Variants in SNX29 observed in about 807,000 individuals in gnomAD.
SNX29 encodes the protein sorting nexin-29.
A neutral mutation model predicts 102.1 loss-of-function variants in SNX29; 78 were observed. The observed-to-expected ratio is 0.76, with a 90% CI of 0.64 to 0.92. The LOEUF (loss-of-function observed/expected upper bound fraction) is 0.92. Among genes scored for constraint, SNX29 ranks in the 40% least tolerant of loss-of-function variants. The pLI, the probability that SNX29 is intolerant of heterozygous loss-of-function variation, is 0.00. For missense variants in SNX29, 1,280 were observed against 1,061.7 expected (o/e 1.21, Z -2.86); for synonymous variants, 580 against 414.5 (o/e 1.40, Z -4.85).
chr16:12,249,853 C>G (rs1466620860), intron 14 of SNX29, among the ~76,000 whole-genome samples: 1 of 152,234 alleles, frequency 6.6e-6, no homozygotes, highest in East Asian at 1.9e-4. Context: ...TCATGTATTC[C>G]TTTACTTACT....
intron 18 of SNX29, among the ~76,000 whole-genome samples, chr16:12,447,009 T>C (rs2086087196): frequency 6.7e-6 from 1 of 150,098 alleles, no homozygotes; most frequent in Non-Finnish European, 1.5e-5. Context: ...TACTATAATA[T>C]AAAAAAAATT....
At chr16:12,436,166 G>A (rs2151647900) in intron 18 of SNX29, among the ~76,000 whole-genome samples, 1 of 152,322 alleles carries the variant, frequency 6.6e-6, no homozygotes, top group East Asian at 1.9e-4. Context: ...TCCTGGCGAT[G>A]CCCGAGACCC....
At chr16:12,438,692 C>T (rs734022) in intron 18 of SNX29, among the ~76,000 whole-genome samples, 103,084 of 152,144 alleles carry the variant, frequency 0.68, 36,192 homozygotes, top group African/African-American at 0.87. Context: ...GAAGAAATGA[C>T]CATAATCATG....
intron 4 of SNX29, 67 bp downstream of exon 4, chr16:12,027,511 T>C (rs2057227526): frequency 1.3e-6 from 2 of 1,585,978 alleles, no homozygotes; most frequent in Non-Finnish European, 8.6e-7. Context: ...TTTTTATTTA[T>C]TTTTTAATAG....
chr16:12,547,044 G>A (rs2077649200), intron 20 of SNX29, among the ~76,000 whole-genome samples: 1 of 152,188 alleles, frequency 6.6e-6, no homozygotes, highest in Admixed American at 6.5e-5. Flanking sequence ...CTGTTTTCAT[G>A]GGGGACACAG....
At chr16:12,173,177 G>A (rs1820323740) in intron 13 of SNX29, among the ~76,000 whole-genome samples, 1 of 152,228 alleles carries the variant, frequency 6.6e-6, no homozygotes, top group Non-Finnish European at 1.5e-5. Context: ...CGGAGATAAA[G>A]CTGGTCTTAG....
chr16:12,437,435 G>A lies in SNX29; in HGVS notation c.2037+33906G>A, dbSNP rs113130187. Among the ~76,000 whole-genome samples, 62 of 152,364 alleles carry A rather than the reference G, an allele frequency of 4.1e-4. No individual in the cohort carries two copies. The East Asian group carries it at 5.0e-3, about 12-fold the overall frequency. ...GTGAGGCAATGGGTCAGGGGGTAGT[G>A]TGAGAGGAGGGTTGCCTGTGCCAGG... On this transcript the variant is annotated intron_variant, in intron 18 of 20. Transcript: ENST00000566228.
At chr16:12,483,693 A>G (rs980729895) in intron 19 of SNX29, among the ~76,000 whole-genome samples, 1 of 152,204 alleles carries the variant, frequency 6.6e-6, no homozygotes, top group African/African-American at 2.4e-5. Flanking sequence ...ACTTAAGCCA[A>G]CAAGGGTATA....
intron 8 of SNX29, chr16:12,060,730 T>C: frequency 2.2e-6 from 1 of 455,646 alleles, no homozygotes; most frequent in Non-Finnish European, 4.4e-6. Flanking sequence ...TTTATTAACA[T>C]TTCTTGATTG....
intron 16 of SNX29, among the ~76,000 whole-genome samples, chr16:12,385,961 G>T (rs1359008015): frequency 6.6e-6 from 1 of 152,214 alleles, no homozygotes; most frequent in African/African-American, 2.4e-5. Context: ...ACATCTCCTG[G>T]GAGCAGAAGA....
At chr16:12,215,387 A>G (rs937242750) in intron 14 of SNX29, among the ~76,000 whole-genome samples, 4 of 151,806 alleles carry the variant, frequency 2.6e-5, no homozygotes, top group African/African-American at 9.7e-5. Context: ...CATGCACTCT[A>G]TGTAAGTATT....
chr16:12,476,600 G>A (rs1015477968), intron 18 of SNX29, among the ~76,000 whole-genome samples: 3 of 150,618 alleles, frequency 2.0e-5, no homozygotes, highest in Non-Finnish European at 4.4e-5. Flanking sequence ...TGACATTATT[G>A]CTCCTTAAGG....
intron 14 of SNX29, among the ~76,000 whole-genome samples, chr16:12,239,882 G>A (rs2078049667): frequency 6.6e-6 from 1 of 152,000 alleles, no homozygotes; most frequent in South Asian, 2.1e-4. Context: ...AGTAGCACCA[G>A]GACAGAAAAA....
chr16:12,249,383 G>C (rs1410085926), intron 14 of SNX29, among the ~76,000 whole-genome samples: 1 of 152,198 alleles, frequency 6.6e-6, no homozygotes, highest in Admixed American at 6.5e-5. Context: ...TGAAAGACAA[G>C]CCCACGTGCA....
At chr16:12,251,659 T>A (rs1428398424) in intron 14 of SNX29, among the ~76,000 whole-genome samples, 1 of 152,140 alleles carries the variant, frequency 6.6e-6, no homozygotes, top group Non-Finnish European at 1.5e-5. Flanking sequence ...GCTGAGATCG[T>A]GCCATTGCAC....
intron 5 of SNX29, among the ~76,000 whole-genome samples, chr16:12,045,524 C>T (rs572178108): frequency 6.6e-6 from 1 of 151,974 alleles, no homozygotes; most frequent in Admixed American, 6.6e-5. Flanking sequence ...ACCCCAACTG[C>T]CATCTATATT....
At chr16:12,088,116 G>A (rs1238064758) in intron 11 of SNX29, 1 of 456,690 alleles carries the variant, frequency 2.2e-6, no homozygotes, top group South Asian at 1.5e-5. Flanking sequence ...GTGGGTGTCT[G>A]AGGCTGCAGG....
chr16:12,359,548 C>T (rs2082242540), intron 16 of SNX29, among the ~76,000 whole-genome samples: 1 of 152,280 alleles, frequency 6.6e-6, no homozygotes, highest in South Asian at 2.1e-4. Flanking sequence ...TACATATCTG[C>T]TCCTAGTCTT....
intron 14 of SNX29, among the ~76,000 whole-genome samples, chr16:12,223,425 G>C (rs1481592169): frequency 6.6e-6 from 1 of 152,200 alleles, no homozygotes; most frequent in Admixed American, 6.5e-5. Context: ...ACTTTGGGAG[G>C]CTGAGGAGGG....
Sources: gnomAD v4.1 joint callset for allele counts (sites outside exome capture counted in the v4.1 genomes callset) on GRCh38, gnomAD v4.1.1 for gene constraint, MANE v1.5 for transcripts, NCBI Gene and HGNC (gene_info 2026-07-23, HGNC 2026-07-21) for gene names.